Variants in PLEC observed in about 807,000 individuals in gnomAD.
PLEC encodes hemidesmosomal protein 1.
PLEC carries 216 observed loss-of-function variants against 392.8 expected under a neutral mutation model. The observed-to-expected ratio is 0.55, with a 90% CI of 0.49 to 0.62. The LOEUF (loss-of-function observed/expected upper bound fraction) is 0.62, where lower values mean the gene tolerates loss of function less well. Ranked by LOEUF, PLEC falls within the 20% of genes least tolerant of loss-of-function variation. The pLI, the probability that PLEC is intolerant of heterozygous loss-of-function variation, is 0.00. For missense variants in PLEC, 6,863 were observed against 6,563.4 expected, an observed-to-expected ratio of 1.05 and a Z score of -1.58; for synonymous variants, 3,621 against 2,980.6, an observed-to-expected ratio of 1.21 and a Z score of -7.00.
chr8:143,927,563 C>T lies in PLEC; in HGVS notation c.3603G>A (p.Glu1201=), dbSNP rs782464778. The T allele has an allele frequency of 6.3e-7, 1 of 1,592,834 alleles. No individual in the cohort carries two copies. Among genetic ancestry groups the T allele is most frequent in the South Asian group, 1.1e-5 (1 of 90,352 alleles). Residue 1201 remains glutamate, a synonymous_variant, in exon 27 of 32, where the codon GAG becomes GAA. Coordinates refer to ENST00000345136, the MANE Select transcript of PLEC (RefSeq NM_201384.3). ...VLAQTDVRQR[E]LEQLGRQLRY... Reference sequence around the variant, plus strand: ...GCAGCTGGCGGCCCAGTTGCTCGAGCTCGCGCTGCCGCACGTCGGTCTGGG... The same window carrying T: ...GCAGCTGGCGGCCCAGTTGCTCGAGTTCGCGCTGCCGCACGTCGGTCTGGG...
intron 1 of PLEC, among the ~76,000 whole-genome samples, chr8:143,939,001 C>T (rs1033925750): frequency 1.3e-5 from 2 of 152,050 alleles, no homozygotes; most frequent in African/African-American, 4.8e-5. Context: ...TGCAGTCCCC[C>T]CCGGCCTCTA....
At chr8:143,953,877 G>C, upstream of PLEC, 1 of 1,539,334 alleles carries the variant, frequency 6.5e-7, no homozygotes, top group Non-Finnish European at 8.7e-7. Context: ...CCGGAGGTCC[G>C]GGGCAGGGCT....
rs1013851659 is a variant in PLEC at position 143,917,221 on chromosome 8, C to A, written c.12600G>T (p.Gly4200=). The part of the protein sequence containing the change: ...VKSMIIDRRS[G]RQYDIDDAIA... ...TGGCATCATCGATGTCGTACTGGCG[C>A]CCGGAGCGGCGGTCGATGATCATGG... is the stretch of plus-strand genomic sequence containing the variant. Residue 4200 remains glycine, a synonymous_variant, in exon 32 of 32, where the codon GGG becomes GGT. Transcript: ENST00000345136. 6.2e-7 allele frequency: 1 copy of A among 1,612,886 alleles called. No individual in the cohort carries two copies. The highest frequency in any genetic ancestry group is 1.3e-5 in the African/African-American group (1 of 74,926).
Position 143,925,310 on chromosome 8 carries a change from T to G in PLEC, c.4619A>C (p.Glu1540Ala), listed in dbSNP as rs1206278709. The change falls in exon 31 of 32, where the codon GAG becomes GCG. Residue 1540 changes from glutamate (E) to alanine (A), a missense_variant. Coordinates refer to ENST00000345136, the MANE Select transcript of PLEC (RefSeq NM_201384.3). ...CGCCTCCTCCGCCTGCAGCCGCAGC[T>G]CCTCCAGGGCCTGCAGGGCCCGCTG... is the stretch of plus-strand genomic sequence containing the variant. Reference protein sequence around the residue: ...EKQRALQALEELRLQAEEAER... With the variant: ...EKQRALQALEALRLQAEEAER... The G allele has an allele frequency of 1.9e-6, 3 of 1,568,976 alleles. No individual in the cohort carries two copies. The Admixed American group carries it at 5.3e-5, about 28-fold the overall frequency.
Position 143,921,768 on chromosome 8 carries a change from G to T in PLEC, c.8053C>A (p.Arg2685=), listed in dbSNP as rs782453907. ...GHTTVDELAR[R]EDVRHYLQGR... is the part of the protein sequence containing the mutation. ...TGCAGGTAGTGGCGCACGTCTTCCC[G>T]CCGTGCGAGCTCGTCCACCGTGGTG... Residue 2685 remains arginine, a synonymous_variant, in exon 32 of 32, where the codon CGG becomes AGG. Coordinates refer to ENST00000345136, the MANE Select transcript of PLEC (RefSeq NM_201384.3). 6.2e-7 allele frequency: 1 copy of T among 1,611,942 alleles called. No individual in the cohort carries two copies. Among genetic ancestry groups the T allele is most frequent in the Non-Finnish European group, 8.5e-7 (1 of 1,179,850 alleles).
chr8:143,962,226 T>C (rs782538333), intron 1 of PLEC, among the ~76,000 whole-genome samples: 9 of 152,090 alleles, frequency 5.9e-5, no homozygotes, highest in Non-Finnish European at 1.0e-4. Flanking sequence ...AAAGCAAGTG[T>C]CCTTAGACGA....
At chr8:143,961,655 A>T (rs1467338161) in intron 1 of PLEC, among the ~76,000 whole-genome samples, 2 of 152,348 alleles carry the variant, frequency 1.3e-5, no homozygotes, top group Non-Finnish European at 2.9e-5. Context: ...TGATTGGTTA[A>T]ATATGATATG....
Position 143,929,130 on chromosome 8 carries a change from C to A in PLEC, c.3233G>T (p.Arg1078Leu), listed in dbSNP as rs1330807133. 4 of 1,584,062 alleles carry A rather than the reference C, an allele frequency of 2.5e-6. No homozygotes were observed. The highest frequency in any genetic ancestry group is 4.6e-5 in the East Asian group (2 of 43,638). Residue 1078 changes from arginine to leucine, a missense_variant, in exon 25 of 32, where the codon CGC becomes CTC. Coordinates refer to ENST00000345136, the MANE Select transcript of PLEC (RefSeq NM_201384.3). ...CTCCAGGTAGATGGCAGACAGGCTG[C>A]GGACCTGCTCCAGCTTGCCCAGCGT... ...ELTLGKLEQVRSLSAIYLEKL... is the reference protein window; with the variant it reads ...ELTLGKLEQVLSLSAIYLEKL...
chr8:143,919,184 G>A lies in PLEC; in HGVS notation c.10637C>T (p.Ala3546Val), dbSNP rs533151885. The change falls in exon 32 of 32, where the codon GCG becomes GTG. Residue 3546 changes from alanine to valine, a missense_variant. Ala to Val is a moderately conservative substitution (Grantham distance 64). Transcript: ENST00000345136. Reference protein sequence around the residue: ...TGLRLLPLKGAEKAEVVETTQ... With the variant: ...TGLRLLPLKGVEKAEVVETTQ... ...GGTCTCCACCACCTCAGCCTTCTCCGCCCCTTTCAGTGGCAGAAGGCGCAA... is the reference window on the plus strand; with the variant it reads ...GGTCTCCACCACCTCAGCCTTCTCCACCCCTTTCAGTGGCAGAAGGCGCAA... The A allele has an allele frequency of 3.4e-5, 55 of 1,613,582 alleles. No homozygotes were observed. Among genetic ancestry groups the A allele is most frequent in the South Asian group, 2.7e-4 (25 of 91,084 alleles).
rs1288160719 is a variant in PLEC at position 143,924,131 on chromosome 8, C to G, written c.5798G>C (p.Ser1933Thr). ...VEEEILALKA[S>T]FEKAAAGKAE... ...CTTGCCAGCGGCCGCCTTCTCGAAG[C>G]TCGCCTTCAGCGCCAGGATCTCCTC... Residue 1933 changes from serine (S) to threonine (T), a missense_variant, in exon 31 of 32, where the codon AGC becomes ACC. Ser to Thr is a moderately conservative substitution (Grantham distance 58). Coordinates refer to ENST00000345136, the MANE Select transcript of PLEC (RefSeq NM_201384.3). The G allele has an allele frequency of 1.3e-6, 2 of 1,598,822 alleles. No homozygotes were observed. The highest frequency in any genetic ancestry group is 1.7e-6 in the Non-Finnish European group (2 of 1,179,476).
intron 3 of PLEC, chr8:143,937,623 C>A: frequency 2.0e-6 from 1 of 503,218 alleles, no homozygotes. Flanking sequence ...CAGCTTGACA[C>A]CCAACCACCT....
chr8:143,938,567 C>T, intron 2 of PLEC, 64 bp downstream of exon 2: 2 of 1,574,188 alleles, frequency 1.3e-6, no homozygotes. Context: ...CGGCAGGGGC[C>T]ACCCTCCCTC....
In PLEC at chr8:143,918,507, G is replaced by A. The variant is rs782737268; in HGVS notation, c.11314C>T (p.Arg3772Cys). The change falls in exon 32 of 32, where the codon CGT (arginine) becomes TGT (cysteine). Residue 3772 changes from arginine (R) to cysteine (C), a missense_variant. Physicochemically the swap from Arg to Cys is radical, Grantham distance 180 (BLOSUM62 -3). Coordinates refer to ENST00000345136, the MANE Select transcript of PLEC (RefSeq NM_201384.3). Reference protein sequence around the residue: ...LSAERAVTGYRDPYTEQTISL... With the variant: ...LSAERAVTGYCDPYTEQTISL... ...ATGGTCTGCTCGGTGTAGGGGTCACGGTAGCCGGTGACCGCCCGCTCAGCC... is the reference window on the plus strand; with the variant it reads ...ATGGTCTGCTCGGTGTAGGGGTCACAGTAGCCGGTGACCGCCCGCTCAGCC... The A allele has an allele frequency of 2.0e-5, 32 of 1,605,048 alleles. No individual in the cohort carries two copies. The highest frequency in any genetic ancestry group is 2.2e-5 in the East Asian group (1 of 44,576).
chr8:143,925,009 C>G lies in PLEC; in HGVS notation c.4920G>C (p.Glu1640Asp). 1 of 1,573,736 alleles carries G rather than the reference C, an allele frequency of 6.4e-7. No homozygotes were observed. Among genetic ancestry groups the G allele is most frequent in the Non-Finnish European group, 8.6e-7 (1 of 1,167,946 alleles). ...ELERWQLKANEALRLRLQAEE... is the reference protein window; with the variant it reads ...ELERWQLKANDALRLRLQAEE... Reference sequence around the variant, plus strand: ...CCGCCTGCAGCCGCAGCCGTAGCGCCTCGTTGGCCTTGAGCTGCCAGCGCT... The same window carrying G: ...CCGCCTGCAGCCGCAGCCGTAGCGCGTCGTTGGCCTTGAGCTGCCAGCGCT... Residue 1640 changes from glutamate to aspartate, a missense_variant, in exon 31 of 32, where the codon GAG becomes GAC. Glu to Asp is a conservative substitution (Grantham distance 45). Transcript: ENST00000345136.
intron 1 of PLEC, among the ~76,000 whole-genome samples, chr8:143,947,416 C>G (rs1010789578): frequency 6.6e-6 from 1 of 152,218 alleles, no homozygotes; most frequent in Non-Finnish European, 1.5e-5. Flanking sequence ...ACACAATCCT[C>G]GGTTCCTTCA....
Position 143,937,088 on chromosome 8 carries a change from C to CTCGG in PLEC, c.343-21_343-18dup. 1 of 1,611,418 alleles carries CTCGG rather than the reference C, an allele frequency of 6.2e-7. No homozygotes were observed. The highest frequency in any genetic ancestry group is 8.5e-7 in the Non-Finnish European group (1 of 1,178,464). ...CAGCTTCACCTGTGAGCGAGGGGCT[C>CTCGG]TCGGTCACGGCCCACAGGGCGGGGC... On this transcript the variant is annotated splice_polypyrimidine_tract_variant and intron_variant, in intron 4 of 31. Transcript: ENST00000345136.
At position 143,973,299 on chromosome 8, in the gene PLEC, G is replaced by A; in HGVS notation, c.70+104C>T. 1 of 1,422,828 alleles carries A rather than the reference G, an allele frequency of 7.0e-7. No individual in the cohort carries two copies. Among genetic ancestry groups the A allele is most frequent in the South Asian group, 1.2e-5 (1 of 80,346 alleles). 88.1% of individuals were successfully genotyped at this position (1,422,828 alleles called of 1,614,324 possible). On this transcript the variant is annotated intron_variant, in intron 1 of 31. Coordinates refer to the PLEC transcript ENST00000356346. The surrounding 1 kb of genome is among the most constrained non-coding windows in gnomAD (Gnocchi z 5.6). The stretch of plus-strand genomic sequence containing the variant: ...CCAGGCGGACGAGGCCGGCGGAGTG[G>A]CCGCGCTCGGGCCGGCGATCGGGAC...
Position 143,925,630 on chromosome 8 carries a change from G to A in PLEC, c.4299C>T (p.Ile1433=). 1 of 1,583,358 alleles carries A rather than the reference G, an allele frequency of 6.3e-7. No individual in the cohort carries two copies. The highest frequency in any genetic ancestry group is 1.1e-5 in the South Asian group (1 of 89,116). ...QQLRQSSEAE[I]QAKARQAEAA... is the part of the protein sequence containing the mutation. ...CCTCTGCCTGCCGGGCCTTGGCCTG[G>A]ATCTCCGCCTCCGAGCTCTGCCGCA... is the stretch of plus-strand genomic sequence containing the variant. Residue 1433 remains isoleucine, a synonymous_variant, in exon 31 of 32, where the codon ATC becomes ATT. Coordinates refer to ENST00000345136, the MANE Select transcript of PLEC (RefSeq NM_201384.3).
Position 143,934,444 on chromosome 8 carries a change from C to T in PLEC, c.1043G>A (p.Gly348Glu), listed in dbSNP as rs899201636. 3.1e-6 allele frequency: 5 copies of T among 1,611,226 alleles called. No homozygotes were observed. The highest frequency in any genetic ancestry group is 4.2e-6 in the Non-Finnish European group (5 of 1,179,834). Reference sequence around the variant, plus strand: ...CTTGAGCTGGCCTGCTTGCACCGCTCCCTGTAGACAGGGGCCACACTCAGG... The same window carrying T: ...CTTGAGCTGGCCTGCTTGCACCGCTTCCTGTAGACAGGGGCCACACTCAGG... ...RSKGIYQSLEGAVQAGQLKVP... is the reference protein window; with the variant it reads ...RSKGIYQSLEEAVQAGQLKVP... Residue 348 changes from glycine to glutamate, a missense_variant and splice_region_variant, in exon 11 of 32, where the codon GGA becomes GAA. By Grantham distance (98) the Gly-to-Glu change is moderately conservative (BLOSUM62 -2). Coordinates refer to ENST00000345136, the MANE Select transcript of PLEC (RefSeq NM_201384.3).
Sources: gnomAD v4.1 joint callset for allele counts (sites outside exome capture counted in the v4.1 genomes callset) on GRCh38, gnomAD v4.1.1 for gene constraint, Gnocchi (gnomAD v3.1) non-coding constraint, MANE v1.5 for transcripts, NCBI Gene and HGNC (gene_info 2026-07-23, HGNC 2026-07-21) for gene names.